ASAP1: variants seen among roughly 807,000 people sequenced by gnomAD.
The protein encoded by ASAP1 is ArfGAP with SH3 domain, ankyrin repeat and PH domain 1.
Under a neutral mutation model 145.2 loss-of-function variants are expected in ASAP1, and 43 were observed. That is an observed-to-expected ratio of 0.30 (90% CI 0.23 to 0.38). The LOEUF (loss-of-function observed/expected upper bound fraction) is 0.38, where lower values mean the gene tolerates loss of function less well. Among genes scored for constraint, ASAP1 ranks in the 10% least tolerant of loss-of-function variants. The probability of loss-of-function intolerance (pLI) is 1.00; values close to 1 mark genes in which losing one functional copy is unlikely to be tolerated. For missense variants in ASAP1, 1,018 were observed against 1,355.3 expected (o/e 0.75, Z 3.91); for synonymous variants, 546 against 515.5 (o/e 1.06, Z -0.80).
chr8:130,274,125 T>C (rs1820740580), intron 3 of ASAP1, among the ~76,000 whole-genome samples: 1 of 152,224 alleles, frequency 6.6e-6, no homozygotes, highest in Non-Finnish European at 1.5e-5. Context: ...CCTTATATAA[T>C]CATTTTTCAT....
intron 4 of ASAP1, among the ~76,000 whole-genome samples, chr8:130,233,923 C>A (rs1818057526): frequency 6.6e-6 from 1 of 152,154 alleles, no homozygotes; most frequent in Non-Finnish European, 1.5e-5. Context: ...ACTCATAGGC[C>A]AGTGCAACAG....
At chr8:130,169,153 A>G in intron 9 of ASAP1, 86 bp from the exon 10 acceptor site, 1 of 774,544 alleles carries the variant, frequency 1.3e-6, no homozygotes. Flanking sequence ...AAAAGGAACT[A>G]TAATAACCTA....
intron 3 of ASAP1, among the ~76,000 whole-genome samples, chr8:130,332,910 AAAG>A (rs919887519): frequency 3.5e-5 from 5 of 144,180 alleles, no homozygotes; most frequent in Non-Finnish European, 3.0e-5. Flanking sequence ...AACAGCTAAA[AAAG>A]AAGTTTTTTT....
chr8:130,391,990 G>A (rs1375526431), intron 2 of ASAP1, among the ~76,000 whole-genome samples: 2 of 152,172 alleles, frequency 1.3e-5, no homozygotes, highest in South Asian at 2.1e-4. Context: ...AGTTGTGCAG[G>A]GGGAGCCAGA....
chr8:130,428,993 C>T (rs1177155700), intron 1 of ASAP1, among the ~76,000 whole-genome samples: 3 of 152,260 alleles, frequency 2.0e-5, no homozygotes, highest in Admixed American at 6.5e-5. Context: ...CTTGCCTCTT[C>T]CTGGCTTGTG....
At chr8:130,168,691 C>T (rs1442561628) in intron 10 of ASAP1, among the ~76,000 whole-genome samples, 1 of 152,188 alleles carries the variant, frequency 6.6e-6, no homozygotes, top group African/African-American at 2.4e-5. Flanking sequence ...TGCATTCTTT[C>T]TGCAACTGCT....
At chr8:130,376,485 T>C (rs943352008) in intron 2 of ASAP1, among the ~76,000 whole-genome samples, 1 of 152,096 alleles carries the variant, frequency 6.6e-6, no homozygotes, top group Non-Finnish European at 1.5e-5. Context: ...CCCAACACTT[T>C]GGGAGGCCGA....
At chr8:130,094,459 G>A (rs1397258994) in intron 24 of ASAP1, among the ~76,000 whole-genome samples, 1 of 151,880 alleles carries the variant, frequency 6.6e-6, no homozygotes, top group African/African-American at 2.4e-5. Flanking sequence ...GAGCTGAAGC[G>A]ACCCTCCCAA....
At chr8:130,247,745 G>A (rs1007345945) in intron 3 of ASAP1, among the ~76,000 whole-genome samples, 3 of 152,174 alleles carry the variant, frequency 2.0e-5, no homozygotes, top group Non-Finnish European at 4.4e-5. Context: ...AGGTCTATCT[G>A]CTAAATACTT....
At chr8:130,405,298 A>G (rs1828974564) in intron 1 of ASAP1, among the ~76,000 whole-genome samples, 1 of 152,162 alleles carries the variant, frequency 6.6e-6, no homozygotes. Flanking sequence ...AACTCACAAG[A>G]TATGAAATAA....
At chr8:130,332,685 G>A (rs1824772662) in intron 3 of ASAP1, among the ~76,000 whole-genome samples, 1 of 152,088 alleles carries the variant, frequency 6.6e-6, no homozygotes, top group Non-Finnish European at 1.5e-5. Flanking sequence ...TGCTTCCTTA[G>A]TTAATCTCAG....
chr8:130,090,883 A>G (rs893899354), intron 25 of ASAP1, among the ~76,000 whole-genome samples: 5 of 152,196 alleles, frequency 3.3e-5, no homozygotes, highest in Non-Finnish European at 7.3e-5. Flanking sequence ...CCAAAACTCA[A>G]AACACAAAAA....
chr8:130,082,529 G>T, intron 25 of ASAP1, among the ~76,000 whole-genome samples: 2 of 134,670 alleles, frequency 1.5e-5, no homozygotes, highest in African/African-American at 2.7e-5. Context: ...TAAGAGACAA[G>T]TTCTTGCTCT....
chr8:130,214,750 A>G, intron 4 of ASAP1, 49 bp from the exon 5 acceptor site: 2 of 1,476,246 alleles, frequency 1.4e-6, no homozygotes, highest in Non-Finnish European at 1.8e-6. Flanking sequence ...TATTTGCCAC[A>G]ATGAAAAGTT....
intron 9 of ASAP1, among the ~76,000 whole-genome samples, chr8:130,170,192 CTT>C (rs34038220): frequency 1.9e-4 from 28 of 148,986 alleles, no homozygotes; most frequent in Admixed American, 2.0e-4. Flanking sequence ...TAAGGAATAT[CTT>C]TTTTTTTTTT....
At chr8:130,433,815 G>A (rs948351212) in intron 1 of ASAP1, among the ~76,000 whole-genome samples, 8 of 152,136 alleles carry the variant, frequency 5.3e-5, no homozygotes, top group African/African-American at 1.9e-4. Context: ...TGCTTTATTT[G>A]ACACCCTTAA....
chr8:130,325,722 A>G (rs1824282598), intron 3 of ASAP1, among the ~76,000 whole-genome samples: 1 of 152,214 alleles, frequency 6.6e-6, no homozygotes, highest in Non-Finnish European at 1.5e-5. Context: ...ATGCCAAGTG[A>G]CTAAGTTAGG....
In ASAP1 at chr8:130,217,537, T is replaced by TACACACACAC. The variant is rs71302402; in HGVS notation, c.260-2846_260-2837dup. Among the ~76,000 whole-genome samples, 947 of 148,984 alleles carry TACACACACAC rather than the reference T, an allele frequency of 6.4e-3. 7 individuals are homozygous for TACACACACAC. The highest frequency in any genetic ancestry group is 0.018 in the African/African-American group (732 of 40,452). On this transcript the variant is annotated intron_variant, in intron 4 of 29. Coordinates refer to ENST00000518721, the MANE Select transcript of ASAP1 (RefSeq NM_018482.4). ...ATGTGTATATATGTGTGTATATATG[T>TACACACACAC]ACACACACACACACACACACACAGA...
chr8:130,271,067 A>T (rs1352568343), intron 3 of ASAP1, among the ~76,000 whole-genome samples: 1 of 152,212 alleles, frequency 6.6e-6, no homozygotes, highest in Non-Finnish European at 1.5e-5. Flanking sequence ...AGGATGGCCC[A>T]CTGATCAGGA....
Sources: gnomAD v4.1 joint callset for allele counts (sites outside exome capture counted in the v4.1 genomes callset) on GRCh38, gnomAD v4.1.1 for gene constraint, MANE v1.5 for transcripts, NCBI Gene and HGNC (gene_info 2026-07-23, HGNC 2026-07-21) for gene names.